SLC4A4: variants seen among roughly 807,000 people sequenced by gnomAD.
SLC4A4 encodes electrogenic sodium bicarbonate cotransporter 1.
A neutral mutation model predicts 111.5 loss-of-function variants in SLC4A4; 27 were observed. The ratio of observed to expected loss-of-function variants is 0.24; its 90% CI spans 0.18 to 0.33. The LOEUF (loss-of-function observed/expected upper bound fraction) is 0.33. Ranked by LOEUF, SLC4A4 falls within the 10% of genes least tolerant of loss-of-function variation. The probability of loss-of-function intolerance (pLI) is 1.00; values close to 1 mark genes in which losing one functional copy is unlikely to be tolerated. For synonymous variants in SLC4A4, 443 were observed against 463.4 expected (o/e 0.96, Z 0.57); for missense variants, 909 against 1,315.5 (o/e 0.69, Z 4.78).
chr4:71,551,580 C>T (rs545466575), intron 20 of SLC4A4, among the ~76,000 whole-genome samples: 18 of 151,838 alleles, frequency 1.2e-4, no homozygotes, highest in African/African-American at 1.9e-4. Context: ...TTACAAAGTT[C>T]GTAAATAATA....
chr4:71,447,271 T>C (rs2149070248), intron 8 of SLC4A4, among the ~76,000 whole-genome samples: 1 of 152,324 alleles, frequency 6.6e-6, no homozygotes, highest in African/African-American at 2.4e-5. Flanking sequence ...TAACTCTTTC[T>C]AGTTATTGTG....
At chr4:71,175,832 G>T (rs545078314) in intron 2 of SLC4A4, among the ~76,000 whole-genome samples, 1 of 152,072 alleles carries the variant, frequency 6.6e-6, no homozygotes, top group South Asian at 2.1e-4. Context: ...AGAGAGTAGC[G>T]GTTCTCCAAG....
At chr4:71,214,471 C>A (rs777912341) in intron 1 of SLC4A4, among the ~76,000 whole-genome samples, 6 of 152,020 alleles carry the variant, frequency 3.9e-5, no homozygotes, top group Non-Finnish European at 8.8e-5. Context: ...GATATATGAC[C>A]CTTGTATATA....
At chr4:71,172,510 T>C (rs1456822772) in intron 2 of SLC4A4, among the ~76,000 whole-genome samples, 4 of 152,218 alleles carry the variant, frequency 2.6e-5, no homozygotes, top group African/African-American at 9.6e-5. Flanking sequence ...CGCCTCAGCC[T>C]CTCAAAGTGC....
intron 16 of SLC4A4, among the ~76,000 whole-genome samples, chr4:71,503,842 G>A (rs1343921265): frequency 3.3e-5 from 5 of 152,068 alleles, no homozygotes; most frequent in African/African-American, 1.2e-4. Context: ...TAGCTCTTAA[G>A]CATTTTTTAT....
chr4:71,151,782 C>T (rs993179390), intron 2 of SLC4A4, among the ~76,000 whole-genome samples: 8 of 150,634 alleles, frequency 5.3e-5, no homozygotes, highest in African/African-American at 7.3e-5. Flanking sequence ...AAATTAAGGC[C>T]GGGCACGGTG....
intron 1 of SLC4A4, among the ~76,000 whole-genome samples, chr4:71,209,264 C>A (rs2045009): frequency 0.28 from 42,496 of 152,006 alleles, 9,239 homozygotes; most frequent in African/African-American, 0.58. Context: ...ATTTTTATTT[C>A]ATAGTCATCT....
At chr4:71,070,161 A>C (rs909352338) in intron 1 of SLC4A4, among the ~76,000 whole-genome samples, 1 of 152,226 alleles carries the variant, frequency 6.6e-6, no homozygotes, top group Non-Finnish European at 1.5e-5. Flanking sequence ...TGAATGAATG[A>C]CTTTACTAGT....
At chr4:71,283,697 A>G (rs914976137) in intron 3 of SLC4A4, among the ~76,000 whole-genome samples, 2 of 152,212 alleles carry the variant, frequency 1.3e-5, no homozygotes, top group Admixed American at 6.5e-5. Context: ...ATTTACAGAA[A>G]TGGGAGACCA....
chr4:71,086,813 T>C (rs1454745332), intron 1 of SLC4A4, among the ~76,000 whole-genome samples: 1 of 152,046 alleles, frequency 6.6e-6, no homozygotes, highest in African/African-American at 2.4e-5. Context: ...TTGCCAGTAT[T>C]TTATTGAGGA....
rs1029612907 is a variant in SLC4A4, at chr4:71,569,558, T to G, written c.*1807T>G. On this transcript the variant is annotated 3_prime_UTR_variant, in exon 26 of 26. Transcript: ENST00000264485. Reference sequence around the variant, plus strand: ...AATATGATACATTACATATTGTGAATGTATACTAAAAAAACATTTTAAATG... The same window carrying G: ...AATATGATACATTACATATTGTGAAGGTATACTAAAAAAACATTTTAAATG... The G allele has an allele frequency of 2.0e-5, 3 of 151,714 alleles. No homozygotes were observed. The highest frequency in any genetic ancestry group is 4.4e-5 in the Non-Finnish European group (3 of 67,794). 9.4% of individuals were successfully genotyped at this position (151,714 alleles called of 1,614,324 possible). A position where few individuals can be genotyped will look rare whatever the true frequency, so the allele number is the denominator to read the frequency against.
intron 7 of SLC4A4, among the ~76,000 whole-genome samples, chr4:71,408,987 C>T (rs962503688): frequency 3.3e-5 from 5 of 152,120 alleles, no homozygotes; most frequent in African/African-American, 1.2e-4. Context: ...ATGGGCTTAT[C>T]TGGTGTTTCT....
intron 1 of SLC4A4, among the ~76,000 whole-genome samples, chr4:71,083,558 C>T (rs544972925): frequency 6.6e-6 from 1 of 151,976 alleles, no homozygotes; most frequent in Non-Finnish European, 1.5e-5. Context: ...TAAACTGATA[C>T]CTGAAGTGAC....
At chr4:71,138,316 C>G (rs748082555) in intron 2 of SLC4A4, among the ~76,000 whole-genome samples, 1 of 152,126 alleles carries the variant, frequency 6.6e-6, no homozygotes, top group Non-Finnish European at 1.5e-5. Flanking sequence ...AGGCCAGGCT[C>G]TTTCTCAAGG....
chr4:71,292,816 A>G (rs1449391071), intron 3 of SLC4A4, among the ~76,000 whole-genome samples: 4 of 148,954 alleles, frequency 2.7e-5, no homozygotes, highest in African/African-American at 9.9e-5. Flanking sequence ...ACATAGTGTG[A>G]GTATGTCTTA....
intron 2 of SLC4A4, among the ~76,000 whole-genome samples, chr4:71,096,746 G>C (rs1484530233): frequency 6.6e-6 from 1 of 152,136 alleles, no homozygotes. Flanking sequence ...AAGGAACAAT[G>C]AATAATGTTA....
chr4:71,166,957 T>C (rs2148980199), intron 2 of SLC4A4, among the ~76,000 whole-genome samples: 1 of 152,264 alleles, frequency 6.6e-6, no homozygotes, highest in East Asian at 1.9e-4. Context: ...CTGATCTGAA[T>C]ACCACTGCTG....
chr4:71,098,997 C>T (rs770729347), intron 2 of SLC4A4, among the ~76,000 whole-genome samples: 4 of 152,124 alleles, frequency 2.6e-5, no homozygotes, highest in African/African-American at 7.2e-5. Context: ...TAGACTCCCA[C>T]ACAATAATAG....
At chr4:71,419,645 TC>T (rs1388522816) in intron 7 of SLC4A4, among the ~76,000 whole-genome samples, 2 of 152,204 alleles carry the variant, frequency 1.3e-5, no homozygotes, top group African/African-American at 4.8e-5. Context: ...CCCTTGTGCT[TC>T]CCGAGTGAGG....
Sources: allele counts gnomAD v4.1 joint callset (sites outside exome capture counted in the v4.1 genomes callset), GRCh38; gene constraint gnomAD v4.1.1; transcripts MANE v1.5; gene names NCBI Gene and HGNC (gene_info 2026-07-23, HGNC 2026-07-21).